The following NELL2 variants were observed in gnomAD, a reference collection of about 807,000 sequenced individuals.
NELL2 encodes neural EGFL like 2, also known as protein kinase C-binding protein NELL2.
Under a neutral mutation model 109.6 loss-of-function variants are expected in NELL2, and 41 were observed. That is an observed-to-expected ratio of 0.37 (90% CI 0.29 to 0.49). NELL2 has a LOEUF of 0.49. NELL2 is among the 20% of genes least tolerant of loss of function. The pLI is 0.98. For synonymous variants in NELL2, 355 were observed against 344.7 expected, an observed-to-expected ratio of 1.03 and a Z score of -0.33; for missense variants, 900 against 1,008.3, an observed-to-expected ratio of 0.89 and a Z score of 1.45.
At chr12:44,794,515 G>T (rs1942550068) in intron 3 of NELL2, among the ~76,000 whole-genome samples, 1 of 152,106 alleles carries the variant, frequency 6.6e-6, no homozygotes, top group Non-Finnish European at 1.5e-5. Flanking sequence ...ACCCCGGTCA[G>T]TTATGCTAAG....
intron 9 of NELL2, among the ~76,000 whole-genome samples, chr12:44,758,474 C>A (rs550684731): frequency 6.6e-6 from 1 of 152,120 alleles, no homozygotes; most frequent in African/African-American, 2.4e-5. Context: ...GCAGAAGATG[C>A]GCAAGCACAA....
At chr12:44,821,740 CAG>C (rs1328105220) in intron 2 of NELL2, among the ~76,000 whole-genome samples, 6 of 150,880 alleles carry the variant, frequency 4.0e-5, no homozygotes, top group Admixed American at 6.6e-5. Context: ...TTTTTTTAGA[CAG>C]AGTCTTGCTC....
chr12:44,777,001 G>C, intron 7 of NELL2, 41 bp downstream of exon 7: 1 of 1,560,716 alleles, frequency 6.4e-7, no homozygotes, highest in Non-Finnish European at 8.8e-7. Flanking sequence ...GAACATCAAG[G>C]ATTTTTAAGC....
rs750644005 is a variant in NELL2 at position 44,779,899 on chromosome 12, G to C, written c.459C>G (p.Leu153=). ...YILADDKWHK[L]SLAISASHLI... is the part of the protein sequence containing the mutation. Reference sequence around the variant, plus strand: ...AATGGGAAGCACTGATGGCTAAGGAGAGCTTGTGCCACTTGTCATCAGCCA... The same window carrying C: ...AATGGGAAGCACTGATGGCTAAGGACAGCTTGTGCCACTTGTCATCAGCCA... Residue 153 remains leucine, a synonymous_variant, in exon 4 of 20, where the codon CTC becomes CTG. Transcript: ENST00000429094. 1 of 1,613,938 alleles carries C rather than the reference G, an allele frequency of 6.2e-7. No individual in the cohort carries two copies. The highest frequency in any genetic ancestry group is 1.1e-5 in the South Asian group (1 of 91,072).
intron 9 of NELL2, among the ~76,000 whole-genome samples, chr12:44,725,420 C>T (rs1369129140): frequency 1.3e-5 from 2 of 152,076 alleles, no homozygotes; most frequent in Non-Finnish European, 2.9e-5. Context: ...TAAATTAGTT[C>T]AGCCATTGTG....
intron 3 of NELL2, among the ~76,000 whole-genome samples, chr12:44,813,894 A>T (rs1217206622): frequency 2.0e-5 from 3 of 152,244 alleles, no homozygotes; most frequent in Non-Finnish European, 4.4e-5. Context: ...GATTTGCCTG[A>T]CAGCAAACCA....
At chr12:44,602,758 C>T (rs1164989794) in intron 15 of NELL2, among the ~76,000 whole-genome samples, 5 of 151,846 alleles carry the variant, frequency 3.3e-5, no homozygotes, top group African/African-American at 1.2e-4. Context: ...AAATGATATA[C>T]ACTTATACAT....
chr12:44,623,108 C>T (rs932177662), intron 13 of NELL2, among the ~76,000 whole-genome samples: 2 of 152,030 alleles, frequency 1.3e-5, no homozygotes, highest in African/African-American at 4.8e-5. Context: ...GTCTCCTGTG[C>T]TTAAATTAGA....
intron 15 of NELL2, among the ~76,000 whole-genome samples, chr12:44,547,343 C>T (rs1450339419): frequency 1.3e-5 from 2 of 152,134 alleles, no homozygotes; most frequent in East Asian, 1.9e-4. Flanking sequence ...ATAGCACGTG[C>T]ATAAAATGGA....
intron 9 of NELL2, among the ~76,000 whole-genome samples, chr12:44,723,468 C>T (rs1011806220): frequency 1.8e-4 from 28 of 152,130 alleles, no homozygotes; most frequent in African/African-American, 6.0e-4. Context: ...AAATCATATA[C>T]GACAATAAAT....
chr12:44,529,994 A>G (rs749416230), intron 16 of NELL2, among the ~76,000 whole-genome samples: 9 of 152,214 alleles, frequency 5.9e-5, no homozygotes, highest in Non-Finnish European at 1.2e-4. Flanking sequence ...CACTGATAGG[A>G]ATGATGCAGT....
At chr12:44,654,296 A>T (rs151163972) in intron 13 of NELL2, among the ~76,000 whole-genome samples, 1 of 152,332 alleles carries the variant, frequency 6.6e-6, no homozygotes, top group Non-Finnish European at 1.5e-5. Context: ...ACTCACACAC[A>T]GTTCCTACAC....
intron 9 of NELL2, among the ~76,000 whole-genome samples, chr12:44,747,378 A>G (rs1370744188): frequency 6.6e-6 from 1 of 152,102 alleles, no homozygotes; most frequent in Non-Finnish European, 1.5e-5. Context: ...GCAGCACACC[A>G]ACATGGCACA....
At chr12:44,695,497 G>T (rs1949036682) in intron 12 of NELL2, among the ~76,000 whole-genome samples, 1 of 152,096 alleles carries the variant, frequency 6.6e-6, no homozygotes, top group African/African-American at 2.4e-5. Flanking sequence ...AGGAGTTTGA[G>T]ACCATCCTAG....
intron 13 of NELL2, among the ~76,000 whole-genome samples, chr12:44,664,940 T>TA (rs892352053): frequency 1.1e-4 from 16 of 152,236 alleles, no homozygotes; most frequent in Admixed American, 5.2e-4. Flanking sequence ...CAGACACTAC[T>TA]AACACAATAT....
At chr12:44,521,072 T>C (rs1941503916) in intron 18 of NELL2, among the ~76,000 whole-genome samples, 1 of 152,214 alleles carries the variant, frequency 6.6e-6, no homozygotes, top group African/African-American at 2.4e-5. Flanking sequence ...AGACCAATTT[T>C]CCTTTTCATT....
At chr12:44,783,054 C>T (rs1430721409) in intron 3 of NELL2, among the ~76,000 whole-genome samples, 1 of 151,782 alleles carries the variant, frequency 6.6e-6, no homozygotes, top group African/African-American at 2.4e-5. Context: ...GTATGCTTTC[C>T]AACCACAACA....
chr12:44,913,414 T>C (rs1413950738), intron 1 of NELL2, among the ~76,000 whole-genome samples: 2 of 152,160 alleles, frequency 1.3e-5, no homozygotes, highest in African/African-American at 4.8e-5. Context: ...TTTTCAGATT[T>C]TCCATGATGG....
intron 2 of NELL2, among the ~76,000 whole-genome samples, chr12:44,827,549 C>A (rs1439542301): frequency 6.6e-6 from 1 of 151,732 alleles, no homozygotes; most frequent in Non-Finnish European, 1.5e-5. Context: ...ATTTTTAGCT[C>A]CCACAAATAA....
Sources: allele counts gnomAD v4.1 joint callset (sites outside exome capture counted in the v4.1 genomes callset), GRCh38; gene constraint gnomAD v4.1.1; transcripts MANE v1.5; gene names NCBI Gene and HGNC (gene_info 2026-07-23, HGNC 2026-07-21).